Variants in DLGAP1 observed in about 807,000 individuals in gnomAD.
DLGAP1 encodes disks large-associated protein 1.
In DLGAP1, 11 loss-of-function variants were observed where a neutral mutation model predicts 90.8. The ratio of observed to expected loss-of-function variants is 0.12; its 90% CI spans 0.08 to 0.20. DLGAP1 has a LOEUF of 0.20. Ranked by LOEUF, DLGAP1 falls within the 10% of genes least tolerant of loss-of-function variation. The probability of loss-of-function intolerance (pLI) is 1.00; values close to 1 mark genes in which losing one functional copy is unlikely to be tolerated. For synonymous variants in DLGAP1, 558 were observed against 540.7 expected (o/e 1.03, Z -0.44); for missense variants, 1,050 against 1,333.8 (o/e 0.79, Z 3.31).
chr18:4,002,078 G>A (rs1209864383), intron 3 of DLGAP1, among the ~76,000 whole-genome samples: 1 of 152,108 alleles, frequency 6.6e-6, no homozygotes, highest in African/African-American at 2.4e-5. Context: ...CTTTATTGGA[G>A]ATGTTGTCTG....
At chr18:4,020,178 T>G (rs2074586686) in intron 2 of DLGAP1, among the ~76,000 whole-genome samples, 1 of 152,056 alleles carries the variant, frequency 6.6e-6, no homozygotes. Flanking sequence ...TTAAGGTCTG[T>G]GTTGATGTTA....
intron 1 of DLGAP1, among the ~76,000 whole-genome samples, chr18:4,271,197 G>A (rs553746): frequency 0.018 from 2,696 of 152,234 alleles, 82 homozygotes; most frequent in African/African-American, 0.061. Flanking sequence ...ATCCAATCCC[G>A]AGAGGTCCTG....
At chr18:4,394,035 T>G (rs2082391387) in intron 1 of DLGAP1, among the ~76,000 whole-genome samples, 1 of 152,192 alleles carries the variant, frequency 6.6e-6, no homozygotes, top group Non-Finnish European at 1.5e-5. Flanking sequence ...GCAGAGGGGT[T>G]GGGGATCCCT....
intron 3 of DLGAP1, among the ~76,000 whole-genome samples, chr18:3,937,643 C>T (rs995426754): frequency 2.6e-5 from 4 of 152,152 alleles, no homozygotes; most frequent in Non-Finnish European, 4.4e-5. Context: ...CAGAAGTAAT[C>T]GAATTTAGCA....
At chr18:3,911,007 C>T (rs1288428282) in intron 3 of DLGAP1, among the ~76,000 whole-genome samples, 2 of 152,124 alleles carry the variant, frequency 1.3e-5, no homozygotes, top group African/African-American at 4.8e-5. Flanking sequence ...GAGGATAAGA[C>T]ATTTAAACAC....
intron 1 of DLGAP1, among the ~76,000 whole-genome samples, chr18:4,384,859 T>C (rs1349691957): frequency 6.6e-6 from 1 of 152,176 alleles, no homozygotes; most frequent in Non-Finnish European, 1.5e-5. Context: ...CATTAACTGA[T>C]ATTAGAAATT....
At chr18:3,716,537 A>AT (rs2061767180) in intron 7 of DLGAP1, among the ~76,000 whole-genome samples, 1 of 108,956 alleles carries the variant, frequency 9.2e-6, no homozygotes, top group East Asian at 4.1e-4. Context: ...CCCTGTCTCA[A>AT]ATTTTTTTTT....
intron 1 of DLGAP1, among the ~76,000 whole-genome samples, chr18:4,405,004 G>A (rs2144559676): frequency 6.6e-6 from 1 of 152,238 alleles, no homozygotes; most frequent in Non-Finnish European, 1.5e-5. Flanking sequence ...GGTAGAGAAT[G>A]GTACCTTCAT....
chr18:3,712,050 G>C (rs569300798), intron 7 of DLGAP1, among the ~76,000 whole-genome samples: 1 of 152,104 alleles, frequency 6.6e-6, no homozygotes, highest in Non-Finnish European at 1.5e-5. Flanking sequence ...GGGTGGCATG[G>C]GGGGAGCATG....
chr18:4,424,002 A>C (rs2083098321), intron 1 of DLGAP1, among the ~76,000 whole-genome samples: 1 of 152,110 alleles, frequency 6.6e-6, no homozygotes, highest in Non-Finnish European at 1.5e-5. Context: ...AAATACAAAA[A>C]TTAGCCAGGC....
chr18:3,884,732 G>T (rs552044842), intron 3 of DLGAP1, among the ~76,000 whole-genome samples: 40 of 152,276 alleles, frequency 2.6e-4, no homozygotes, highest in African/African-American at 9.4e-4. Context: ...TTTCAGCACA[G>T]GACAAGCACC....
At chr18:4,304,418 T>A (rs676239) in intron 1 of DLGAP1, among the ~76,000 whole-genome samples, 110,788 of 152,126 alleles carry the variant, frequency 0.73, 43,471 homozygotes, top group East Asian at 0.91. Context: ...TTGTGCTTTT[T>A]CATATTAATG....
intron 1 of DLGAP1, among the ~76,000 whole-genome samples, chr18:4,326,006 A>G (rs1568515310): frequency 6.6e-6 from 1 of 152,214 alleles, no homozygotes; most frequent in Non-Finnish European, 1.5e-5. Flanking sequence ...ACAAAAATTG[A>G]TAAATGGGAT....
chr18:4,379,365 T>C (rs932599425), intron 1 of DLGAP1, among the ~76,000 whole-genome samples: 2 of 152,144 alleles, frequency 1.3e-5, no homozygotes, highest in Non-Finnish European at 2.9e-5. Context: ...AGAATACTAC[T>C]GCCATCTTTT....
chr18:3,553,785 G>A (rs910370231), intron 9 of DLGAP1, among the ~76,000 whole-genome samples: 2 of 152,050 alleles, frequency 1.3e-5, no homozygotes, highest in Non-Finnish European at 2.9e-5. Context: ...CACCCACCTC[G>A]GTCCCCCAAT....
Position 4,383,149 on chromosome 18 carries a change from C to G in DLGAP1, c.-267+71857G>C, listed in dbSNP as rs557801701. Reference sequence around the variant, plus strand: ...ACTCCTTTTTACAAAAGCTAAATGTCCTAAGAATTACTGCATCATTATCCA... The same window carrying G: ...ACTCCTTTTTACAAAAGCTAAATGTGCTAAGAATTACTGCATCATTATCCA... On this transcript the variant is annotated intron_variant, in intron 1 of 12. Coordinates refer to ENST00000315677, the MANE Select transcript of DLGAP1 (RefSeq NM_004746.4). The surrounding 1 kb of genome is among the most constrained non-coding windows in gnomAD (Gnocchi z 4.0). 6.6e-5 allele frequency among the ~76,000 whole-genome samples: 10 copies of G among 152,118 alleles called. No homozygotes were observed. The highest frequency in any genetic ancestry group is 2.4e-4 in the African/African-American group (10 of 41,492).
intron 5 of DLGAP1, among the ~76,000 whole-genome samples, chr18:3,783,217 C>T (rs1194441021): frequency 6.6e-6 from 1 of 152,152 alleles, no homozygotes; most frequent in Non-Finnish European, 1.5e-5. Flanking sequence ...AAAAAGGGTA[C>T]AGCCACTTTG....
intron 4 of DLGAP1, among the ~76,000 whole-genome samples, chr18:3,822,919 G>A (rs557910000): frequency 6.6e-6 from 1 of 152,346 alleles, no homozygotes; most frequent in East Asian, 1.9e-4. Context: ...GCTGAGGTGA[G>A]AGGATCACTT....
At chr18:3,786,370 A>G (rs1435347277) in intron 5 of DLGAP1, among the ~76,000 whole-genome samples, 2 of 152,230 alleles carry the variant, frequency 1.3e-5, no homozygotes, top group Non-Finnish European at 2.9e-5. Context: ...ATGTAGTACT[A>G]GGAAACCAAA....
Sources: gnomAD v4.1 joint callset for allele counts (sites outside exome capture counted in the v4.1 genomes callset) on GRCh38, gnomAD v4.1.1 for gene constraint, Gnocchi (gnomAD v3.1) non-coding constraint, MANE v1.5 for transcripts, NCBI Gene and HGNC (gene_info 2026-07-23, HGNC 2026-07-21) for gene names.